RYR2: variants seen among roughly 807,000 people sequenced by gnomAD.
RYR2 encodes cardiac muscle ryanodine receptor-calcium release channel.
In RYR2, 227 loss-of-function variants were observed where a neutral mutation model predicts 601.1. The ratio of observed to expected loss-of-function variants is 0.38; its 90% CI spans 0.34 to 0.42. RYR2 has a LOEUF of 0.42. Among genes scored for constraint, RYR2 ranks in the 10% least tolerant of loss-of-function variants. The pLI is 1.00. For missense variants in RYR2, 4,646 were observed against 6,156.5 expected (o/e 0.75, Z 8.21); for synonymous variants, 2,223 against 2,175.1 (o/e 1.02, Z -0.61).
chr1:237,210,315 T>G (rs1334836410), intron 1 of RYR2, among the ~76,000 whole-genome samples: 1 of 152,258 alleles, frequency 6.6e-6, no homozygotes, highest in East Asian at 1.9e-4. Context: ...GAATCTTGTC[T>G]CCTTGTCTTA....
At chr1:237,090,432 G>A (rs181882938) in intron 1 of RYR2, among the ~76,000 whole-genome samples, 29 of 152,272 alleles carry the variant, frequency 1.9e-4, no homozygotes, top group Admixed American at 1.9e-3. Context: ...GAGATGTGAT[G>A]ATGGAAGCAG....
chr1:237,773,069 A>G (rs926595888), intron 86 of RYR2, among the ~76,000 whole-genome samples: 3 of 152,224 alleles, frequency 2.0e-5, no homozygotes, highest in African/African-American at 7.2e-5. Context: ...CACAAAAGCC[A>G]TGGATATCAG....
At chr1:237,402,044 T>C (rs1009560701) in intron 10 of RYR2, among the ~76,000 whole-genome samples, 2 of 152,126 alleles carry the variant, frequency 1.3e-5, no homozygotes, top group Admixed American at 6.5e-5. Context: ...AGCATATACA[T>C]AGTACTGAAA....
chr1:237,445,640 A>G, intron 14 of RYR2, 118 bp downstream of exon 14: 1 of 1,226,612 alleles, frequency 8.2e-7, no homozygotes, highest in Non-Finnish European at 1.1e-6. Context: ...ACTGTTTGGT[A>G]AGTCAGCAGA....
intron 22 of RYR2, among the ~76,000 whole-genome samples, chr1:237,504,243 G>A (rs1664975397): frequency 1.3e-5 from 2 of 152,228 alleles, no homozygotes; most frequent in African/African-American, 4.8e-5. Flanking sequence ...CCTGGGTGCA[G>A]GCGGGCTGAG....
chr1:237,252,501 C>T (rs1558501466), intron 1 of RYR2, among the ~76,000 whole-genome samples: 2 of 152,146 alleles, frequency 1.3e-5, no homozygotes, highest in Non-Finnish European at 2.9e-5. Flanking sequence ...CATTTTGTAA[C>T]TATTCATTTA....
At chr1:237,131,939 G>T (rs1672216243) in intron 1 of RYR2, among the ~76,000 whole-genome samples, 1 of 152,008 alleles carries the variant, frequency 6.6e-6, no homozygotes, top group Non-Finnish European at 1.5e-5. Context: ...GCCCAGGCTG[G>T]TCTCAAACTC....
chr1:237,171,673 A>G (rs961822647), intron 1 of RYR2, among the ~76,000 whole-genome samples: 3 of 152,218 alleles, frequency 2.0e-5, no homozygotes, highest in African/African-American at 4.8e-5. Flanking sequence ...TCTGGAAGCC[A>G]TTATTCAAAA....
chr1:237,328,261 T>C (rs1696353563), intron 2 of RYR2, among the ~76,000 whole-genome samples: 1 of 152,168 alleles, frequency 6.6e-6, no homozygotes. Flanking sequence ...AAATAAACAC[T>C]TACATTAACA....
chr1:237,786,604 TCAACGCAGCAATAA>T lies in RYR2; in HGVS notation c.13328+569_13328+582del, dbSNP rs568224161. ...TTCATTTTCACCAACACTCCTGGGA[TCAACGCAGCAATAA>T]AAAAGAGCTGGATGTGAGGCGATGA... On this transcript the variant is annotated intron_variant, in intron 91 of 104. Transcript: ENST00000366574. Among the ~76,000 whole-genome samples the T allele has an allele frequency of 1.3e-3, 193 of 152,256 alleles. 2 individuals are homozygous for T. The highest frequency in any genetic ancestry group is 4.5e-3 in the African/African-American group (188 of 41,548).
At chr1:237,052,706 T>A (rs1214092922) in intron 1 of RYR2, among the ~76,000 whole-genome samples, 3 of 152,182 alleles carry the variant, frequency 2.0e-5, no homozygotes, top group Non-Finnish European at 4.4e-5. Flanking sequence ...AACAGGGTTT[T>A]TTTTTTCCTC....
At chr1:237,448,295 T>C (rs1370751265) in intron 14 of RYR2, among the ~76,000 whole-genome samples, 1 of 152,182 alleles carries the variant, frequency 6.6e-6, no homozygotes, top group East Asian at 1.9e-4. Context: ...AGTTTCCAAA[T>C]ATTCGGGGAT....
intron 1 of RYR2, among the ~76,000 whole-genome samples, chr1:237,256,354 G>A (rs528973304): frequency 6.6e-6 from 1 of 152,182 alleles, no homozygotes; most frequent in Admixed American, 6.5e-5. Flanking sequence ...TCAGCAGCGT[G>A]AGAATAGACT....
intron 29 of RYR2, among the ~76,000 whole-genome samples, chr1:237,576,458 A>G (rs1232952904): frequency 6.6e-6 from 1 of 152,118 alleles, no homozygotes; most frequent in Non-Finnish European, 1.5e-5. Flanking sequence ...TGATATAGAA[A>G]CAGATGCCAT....
At chr1:237,062,811 A>G (rs1310673106) in intron 1 of RYR2, among the ~76,000 whole-genome samples, 2 of 152,144 alleles carry the variant, frequency 1.3e-5, no homozygotes, top group Non-Finnish European at 2.9e-5. Flanking sequence ...AGAGAATTTC[A>G]TCAAGGATTT....
rs141572419 is a variant in RYR2 at position 237,390,326 on chromosome 1, G to A, written c.773+2143G>A. On this transcript the variant is annotated intron_variant, in intron 10 of 104. Transcript: ENST00000366574. ...TAGAACCAGACAGATCTGGGATTGGGGTTCTGCTCTGCCACTTACCAGTTG... is the reference window on the plus strand; with the variant it reads ...TAGAACCAGACAGATCTGGGATTGGAGTTCTGCTCTGCCACTTACCAGTTG... Among the ~76,000 whole-genome samples, 424 of 152,218 alleles carry A rather than the reference G, an allele frequency of 2.8e-3. 2 individuals are homozygous for A. The highest frequency in any genetic ancestry group is 4.8e-3 in the Non-Finnish European group (326 of 68,004).
At chr1:237,604,067 C>T (rs750307490) in intron 35 of RYR2, among the ~76,000 whole-genome samples, 10 of 152,138 alleles carry the variant, frequency 6.6e-5, no homozygotes, top group East Asian at 1.9e-4. Context: ...CTGCACCAAG[C>T]GGACCTAATA....
intron 62 of RYR2, among the ~76,000 whole-genome samples, chr1:237,685,171 A>AG (rs1200904840): frequency 1.3e-5 from 2 of 152,300 alleles, no homozygotes; most frequent in African/African-American, 4.8e-5. Context: ...AAGCAGAGAA[A>AG]GGGGACAACA....
At chr1:237,175,010 A>C (rs900416202) in intron 1 of RYR2, among the ~76,000 whole-genome samples, 1 of 152,194 alleles carries the variant, frequency 6.6e-6, no homozygotes, top group African/African-American at 2.4e-5. Flanking sequence ...TTATGAGTCA[A>C]CCTTTATGTT....
Sources: gnomAD v4.1 joint callset for allele counts (sites outside exome capture counted in the v4.1 genomes callset) on GRCh38, gnomAD v4.1.1 for gene constraint, MANE v1.5 for transcripts, NCBI Gene and HGNC (gene_info 2026-07-23, HGNC 2026-07-21) for gene names.